The following TRAF2 variants were observed in gnomAD, a reference collection of about 807,000 sequenced individuals.
TRAF2 encodes the protein TNF receptor-associated factor 2.
In TRAF2, 6 loss-of-function variants were observed where a neutral mutation model predicts 55.6. The ratio of observed to expected loss-of-function variants is 0.11; its 90% CI spans 0.06 to 0.21. TRAF2 has a LOEUF of 0.21. Among genes scored for constraint, TRAF2 ranks in the 10% least tolerant of loss-of-function variants. TRAF2 has a pLI of 1.00. For missense variants in TRAF2, 561 were observed against 684.5 expected, an observed-to-expected ratio of 0.82 and a Z score of 2.01; for synonymous variants, 329 against 276.3, an observed-to-expected ratio of 1.19 and a Z score of -1.89.
At chr9:136,923,715 A>AT in intron 9 of TRAF2, 137 bp from the exon 10 acceptor site, 1 of 704,188 alleles carries the variant, frequency 1.4e-6, no homozygotes, top group Non-Finnish European at 2.0e-6. Flanking sequence ...AGGGAAAAAA[A>AT]ACTTTTCTTT....
intron 1 of TRAF2, among the ~76,000 whole-genome samples, chr9:136,888,866 G>T (rs1012037805): frequency 2.6e-5 from 4 of 152,162 alleles, no homozygotes; most frequent in African/African-American, 9.7e-5. Context: ...AAGGGTGCCA[G>T]ATGCCCCCAC....
Position 136,915,037 on chromosome 9 carries a change from G to A in TRAF2, c.604-1504G>A, listed in dbSNP as rs560770364. ...TCTACTAAAAATACAAAATTAGCCG[G>A]GTGTGGTAGCGCATGCCTGTAATCC... On this transcript the variant is annotated intron_variant, in intron 6 of 10. Coordinates refer to ENST00000247668, the MANE Select transcript of TRAF2 (RefSeq NM_021138.4). Among the ~76,000 whole-genome samples, 5 of 152,164 alleles carry A rather than the reference G, an allele frequency of 3.3e-5. No homozygotes were observed. In the East Asian group the frequency reaches 9.7e-4, roughly 29 times the overall value.
intron 5 of TRAF2, 115 bp from the exon 6 acceptor site, chr9:136,909,805 T>G (rs934301387): frequency 2.0e-5 from 20 of 1,018,434 alleles, no homozygotes; most frequent in East Asian, 2.6e-5. Context: ...GGCTGGAGGG[T>G]GACCACGTGC....
intron 1 of TRAF2, among the ~76,000 whole-genome samples, chr9:136,893,183 G>C (rs1357189956): frequency 6.6e-6 from 1 of 152,188 alleles, no homozygotes; most frequent in Non-Finnish European, 1.5e-5. Context: ...CTTCGAGAAA[G>C]TGGGAGAAAC....
rs1588422854 is a variant in TRAF2, at chr9:136,897,250, G to A, written c.-28-1463G>A. Among the ~76,000 whole-genome samples, 3 of 152,340 alleles carry A rather than the reference G, an allele frequency of 2.0e-5. No individual in the cohort carries two copies. In the Middle Eastern group the frequency reaches 0.01, roughly 518 times the overall value. On this transcript the variant is annotated intron_variant, in intron 1 of 10. Transcript: ENST00000247668. ...GGCTGGATGATGCTCAGAGAAGCAGGAAGAGTGGGCATGGCACTGAGTGGC... is the reference window on the plus strand; with the variant it reads ...GGCTGGATGATGCTCAGAGAAGCAGAAAGAGTGGGCATGGCACTGAGTGGC...
chr9:136,921,136 C>G lies in TRAF2; in HGVS notation c.1059C>G (p.Val353=). 6.2e-7 allele frequency: 1 copy of G among 1,614,118 alleles called. No homozygotes were observed. Among genetic ancestry groups the G allele is most frequent in the Non-Finnish European group, 8.5e-7 (1 of 1,180,030 alleles). ...LEMEASTYDG[V]FIWKISDFAR... is the part of the protein sequence containing the mutation. ...TGGAGGCATCCACCTACGATGGGGT[C>G]TTCATCTGGAAGATCTCAGACTTCG... is the stretch of plus-strand genomic sequence containing the variant. The change falls in exon 9 of 11, where the codon GTC becomes GTG. Residue 353 remains valine (V), a synonymous_variant. Transcript: ENST00000247668.
intron 6 of TRAF2, among the ~76,000 whole-genome samples, chr9:136,914,053 G>A (rs1429854808): frequency 1.3e-5 from 2 of 152,358 alleles, no homozygotes; most frequent in South Asian, 2.1e-4. Context: ...GTTTGATAAG[G>A]TGTTTGCCCC....
intron 7 of TRAF2, among the ~76,000 whole-genome samples, chr9:136,916,858 A>G (rs1291167582): frequency 6.6e-6 from 1 of 152,072 alleles, no homozygotes; most frequent in African/African-American, 2.4e-5. Context: ...GAGGATGCCC[A>G]GTGTGTGTGC....
At chr9:136,912,841 A>G (rs1238601436) in intron 6 of TRAF2, among the ~76,000 whole-genome samples, 1 of 152,152 alleles carries the variant, frequency 6.6e-6, no homozygotes, top group African/African-American at 2.4e-5. Context: ...TGTCTAAAAA[A>G]ACAAGTCAAG....
chr9:136,925,978 G>C lies in TRAF2; in HGVS notation c.*77G>C. ...ACGGAGGGGCCACCACGCTGGGCCA[G>C]GGTCTCACTGTACAAGTGGGCAGGG... On this transcript the variant is annotated 3_prime_UTR_variant, in exon 11 of 11. Coordinates refer to ENST00000247668, the MANE Select transcript of TRAF2 (RefSeq NM_021138.4). 6.4e-7 allele frequency: 1 copy of C among 1,551,310 alleles called. No individual in the cohort carries two copies. Among genetic ancestry groups the C allele is most frequent in the Non-Finnish European group, 8.8e-7 (1 of 1,130,822 alleles).
chr9:136,882,590 G>C, upstream of TRAF2: 12 of 905,162 alleles, frequency 1.3e-5, no homozygotes, highest in Non-Finnish European at 1.6e-5. Context: ...GGCTTCTCCT[G>C]AGACTGCCCG....
chr9:136,920,248 ACAG>A lies in TRAF2; in HGVS notation c.697_699del (p.Gln233del), dbSNP rs1368764029. On this transcript the variant is annotated inframe_deletion, in exon 8 of 11. Transcript: ENST00000247668. ...TGTGTCCGCAGGTAGAGGGTGAGAAACAGCAGGAGCACGAGGTGCAGTGGCTGC... is the reference window on the plus strand; with the variant it reads ...TGTGTCCGCAGGTAGAGGGTGAGAAACAGGAGCACGAGGTGCAGTGGCTGC... 1 of 1,610,382 alleles carries A rather than the reference ACAG, an allele frequency of 6.2e-7. No individual in the cohort carries two copies. Among genetic ancestry groups the A allele is most frequent in the South Asian group, 1.1e-5 (1 of 90,982 alleles).
At chr9:136,882,705 G>A, upstream of TRAF2, 1 of 985,470 alleles carries the variant, frequency 1.0e-6, no homozygotes, top group Non-Finnish European at 1.2e-6. Context: ...CTGCGCCATG[G>A]CCAGAGTGAG....
chr9:136,906,924 G>C (rs1480776724), intron 4 of TRAF2, among the ~76,000 whole-genome samples: 1 of 152,212 alleles, frequency 6.6e-6, no homozygotes, highest in Non-Finnish European at 1.5e-5. Flanking sequence ...CAACCTTAGA[G>C]TCTGTGAGAG....
At chr9:136,895,264 G>C (rs1849656493) in intron 1 of TRAF2, among the ~76,000 whole-genome samples, 1 of 152,178 alleles carries the variant, frequency 6.6e-6, no homozygotes, top group Non-Finnish European at 1.5e-5. Context: ...CTCACTCCTG[G>C]GGCCACAGCC....
chr9:136,907,928 A>C, intron 4 of TRAF2, 142 bp from the exon 5 acceptor site: 5 of 991,180 alleles, frequency 5.0e-6, no homozygotes, highest in Non-Finnish European at 7.5e-6. Flanking sequence ...GGGAGCCCTG[A>C]GAGCTATCTG....
In TRAF2 at chr9:136,919,804, C is replaced by T. The variant is rs989509363; in HGVS notation, c.679-430C>T. 5.3e-5 allele frequency among the ~76,000 whole-genome samples: 8 copies of T among 151,708 alleles called. No individual in the cohort carries two copies. The South Asian group carries it at 8.3e-4, about 16-fold the overall frequency. On this transcript the variant is annotated intron_variant, in intron 7 of 10. Transcript: ENST00000247668. ...GATCTCGGCTCACTGCAGCGTCAAC[C>T]TCCTGGGCTCAAGTGATCCTCCCAC...
intron 1 of TRAF2, chr9:136,889,505 A>G (rs1482265296): frequency 6.6e-6 from 1 of 151,742 alleles, no homozygotes; most frequent in Non-Finnish European, 1.5e-5. Context: ...GCTGGTCTCG[A>G]ACTCCTGACC....
upstream of TRAF2, chr9:136,882,725 T>C (rs1849388916): frequency 1.0e-6 from 1 of 985,518 alleles, no homozygotes; most frequent in African/African-American, 1.7e-5. Flanking sequence ...GTCACCCCTT[T>C]CCAGCCAGCA....
Sources: gnomAD v4.1 joint callset for allele counts (sites outside exome capture counted in the v4.1 genomes callset) on GRCh38, gnomAD v4.1.1 for gene constraint, MANE v1.5 for transcripts, NCBI Gene and HGNC (gene_info 2026-07-23, HGNC 2026-07-21) for gene names.